The following NPSR1 variants were observed in gnomAD, a reference collection of about 807,000 sequenced individuals.
NPSR1 encodes the protein neuropeptide S receptor 1.
Under a neutral mutation model 46.9 loss-of-function variants are expected in NPSR1, and 48 were observed. The ratio of observed to expected loss-of-function variants is 1.02; its 90% CI spans 0.81 to 1.30. NPSR1 has a LOEUF of 1.30. Among genes scored for constraint, NPSR1 ranks in the 50% most tolerant of loss-of-function variants. NPSR1 has a pLI of 0.00. For missense variants in NPSR1, 450 were observed against 449.5 expected (o/e 1.00, Z -0.01); for synonymous variants, 176 against 168.1 (o/e 1.05, Z -0.36).
chr7:34,813,641 A>G (rs1251094003), intron 4 of NPSR1, among the ~76,000 whole-genome samples: 1 of 152,212 alleles, frequency 6.6e-6, no homozygotes, highest in Non-Finnish European at 1.5e-5. Flanking sequence ...ACAGAAAGAC[A>G]GAGAGGAGCA....
At position 34,791,147 on chromosome 7, in the gene NPSR1, T is replaced by A. The variant is rs558161602; in HGVS notation, c.384+12582T>A. Among the ~76,000 whole-genome samples the A allele has an allele frequency of 7.8e-4, 88 of 113,518 alleles. 1 individual carries two copies. The highest frequency in any genetic ancestry group is 2.6e-3 in the African/African-American group (83 of 32,202). 74.5% of individuals were successfully genotyped at this position (113,518 alleles called of 152,430 possible). On this transcript the variant is annotated intron_variant, in intron 3 of 8. Coordinates refer to ENST00000360581, the MANE Select transcript of NPSR1 (RefSeq NM_207172.2). ...TATATATGTTATATATTATATATAA[T>A]ATGTTATATATTATATATGTTATAT...
intron 2 of NPSR1, among the ~76,000 whole-genome samples, chr7:34,756,243 G>A (rs572649696): frequency 6.6e-6 from 1 of 152,276 alleles, no homozygotes; most frequent in East Asian, 1.9e-4. Context: ...GAGTGAGATT[G>A]GATTTTTGTT....
intron 3 of NPSR1, among the ~76,000 whole-genome samples, chr7:34,791,145 AAT>A (rs1491504029): frequency 1.1e-4 from 8 of 73,932 alleles, no homozygotes; most frequent in South Asian, 4.3e-4. Context: ...TATTATATAT[AAT>A]ATGTTATATA....
chr7:34,852,550 C>T (rs1278561820), downstream of NPSR1, among the ~76,000 whole-genome samples: 3 of 151,990 alleles, frequency 2.0e-5, no homozygotes, highest in East Asian at 5.8e-4. Flanking sequence ...GAATTCTTTC[C>T]CCAGGGGACC....
At chr7:34,764,900 G>A (rs1786358285) in intron 2 of NPSR1, among the ~76,000 whole-genome samples, 1 of 152,154 alleles carries the variant, frequency 6.6e-6, no homozygotes, top group African/African-American at 2.4e-5. Context: ...TGGGTCTGTG[G>A]CTGAACTGGG....
chr7:34,793,158 T>A (rs1307767550), intron 3 of NPSR1, among the ~76,000 whole-genome samples: 1 of 151,652 alleles, frequency 6.6e-6, no homozygotes, highest in Non-Finnish European at 1.5e-5. Context: ...GAGACCCCCA[T>A]CTAGGAAAAC....
chr7:34,747,508 A>G (rs1785268225), intron 2 of NPSR1, among the ~76,000 whole-genome samples: 1 of 152,226 alleles, frequency 6.6e-6, no homozygotes, highest in South Asian at 2.1e-4. Flanking sequence ...TGGAACAAGG[A>G]GGCACCACTT....
At chr7:34,813,524 A>C (rs1159116845) in intron 4 of NPSR1, among the ~76,000 whole-genome samples, 1 of 152,222 alleles carries the variant, frequency 6.6e-6, no homozygotes, top group East Asian at 1.9e-4. Flanking sequence ...ATGCATCAAC[A>C]TGAACATATC....
At chr7:34,786,142 A>G (rs148201575) in intron 3 of NPSR1, among the ~76,000 whole-genome samples, 77 of 152,292 alleles carry the variant, frequency 5.1e-4, no homozygotes, top group Middle Eastern at 3.4e-3. Flanking sequence ...TTCTTTCAAA[A>G]TTGGAGTCAA....
At chr7:34,828,167 T>C (rs1409904371) in intron 5 of NPSR1, among the ~76,000 whole-genome samples, 2 of 152,226 alleles carry the variant, frequency 1.3e-5, no homozygotes, top group African/African-American at 2.4e-5. Context: ...GAATATATTT[T>C]GGAAGCCACC....
chr7:34,829,295 A>G (rs1013391864), intron 5 of NPSR1, among the ~76,000 whole-genome samples: 3 of 152,246 alleles, frequency 2.0e-5, no homozygotes, highest in Non-Finnish European at 2.9e-5. Flanking sequence ...GGTGTTGTCC[A>G]GTCATCTCTG....
At chr7:34,741,297 T>C (rs529954596) in intron 2 of NPSR1, among the ~76,000 whole-genome samples, 2 of 152,346 alleles carry the variant, frequency 1.3e-5, no homozygotes, top group African/African-American at 2.4e-5. Flanking sequence ...TCCTCTAAGA[T>C]ACCCAGAGGT....
intron 8 of NPSR1, among the ~76,000 whole-genome samples, chr7:34,862,243 G>A (rs1791206939): frequency 6.6e-6 from 1 of 151,636 alleles, no homozygotes; most frequent in Non-Finnish European, 1.5e-5. Flanking sequence ...GTTGGGGGGT[G>A]GCAGTGGGCA....
exon 9 of NPSR1, chr7:34,878,210 G>A: frequency 2.2e-6 from 3 of 1,368,332 alleles, no homozygotes; most frequent in Non-Finnish European, 3.1e-6. Flanking sequence ...GCTGCAGGTG[G>A]CCCTGTGCCT....
chr7:34,674,993 G>A (rs1792243497), intron 1 of NPSR1, among the ~76,000 whole-genome samples: 1 of 152,176 alleles, frequency 6.6e-6, no homozygotes, highest in African/African-American at 2.4e-5. Flanking sequence ...AATTGGGGCA[G>A]AAAACTACTA....
chr7:34,803,515 A>G (rs1020899259), intron 3 of NPSR1, among the ~76,000 whole-genome samples: 18 of 151,954 alleles, frequency 1.2e-4, no homozygotes, highest in African/African-American at 4.1e-4. Flanking sequence ...GGAATTGGAC[A>G]ATGAGAACAC....
intron 2 of NPSR1, among the ~76,000 whole-genome samples, chr7:34,716,363 C>A (rs324377): frequency 0.47 from 71,262 of 151,956 alleles, 17,321 homozygotes; most frequent in African/African-American, 0.59. Context: ...CATTATTGGG[C>A]AATCACTGCC....
intron 2 of NPSR1, among the ~76,000 whole-genome samples, chr7:34,687,326 T>G (rs572883260): frequency 6.6e-6 from 1 of 152,200 alleles, no homozygotes; most frequent in Admixed American, 6.5e-5. Flanking sequence ...CAGTGATAAC[T>G]CAATAGTATG....
At position 34,827,688 on chromosome 7, in the gene NPSR1, C is replaced by T. The variant is rs34683710; in HGVS notation, c.680+86C>T. ...CTCCAGCTGTTGCTCTCCTCCCCAA[C>T]AGACCCATTTTTCCTAGTGCCCTTG... On this transcript the variant is annotated intron_variant, in intron 5 of 8. Coordinates refer to ENST00000360581, the MANE Select transcript of NPSR1 (RefSeq NM_207172.2). 3.5e-5 allele frequency: 31 copies of T among 893,428 alleles called. No individual in the cohort carries two copies. In the East Asian group the frequency reaches 8.6e-4, roughly 25 times the overall value. 55.3% of individuals were successfully genotyped at this position (893,428 alleles called of 1,614,324 possible). A position where few individuals can be genotyped will look rare whatever the true frequency, so the allele number is the denominator to read the frequency against.
Sources: gnomAD v4.1 joint callset for allele counts (sites outside exome capture counted in the v4.1 genomes callset) on GRCh38, gnomAD v4.1.1 for gene constraint, MANE v1.5 for transcripts, NCBI Gene and HGNC (gene_info 2026-07-23, HGNC 2026-07-21) for gene names.